Variants in NRG3 observed in about 807,000 individuals in gnomAD.
The protein encoded by NRG3 is pro-neuregulin-3, membrane-bound isoform.
Under a neutral mutation model 66.9 loss-of-function variants are expected in NRG3, and 31 were observed. The observed-to-expected ratio is 0.46, with a 90% CI of 0.35 to 0.63. NRG3 has a LOEUF of 0.63. NRG3 is among the 20% of genes least tolerant of loss of function. The pLI, the probability that NRG3 is intolerant of heterozygous loss-of-function variation, is 0.00. For missense variants in NRG3, 910 were observed against 878.9 expected, an observed-to-expected ratio of 1.04 and a Z score of -0.45; for synonymous variants, 393 against 359.4, an observed-to-expected ratio of 1.09 and a Z score of -1.06.
chr10:82,468,287 G>C (rs1378220121), intron 2 of NRG3, among the ~76,000 whole-genome samples: 1 of 151,980 alleles, frequency 6.6e-6, no homozygotes, highest in Non-Finnish European at 1.5e-5. Flanking sequence ...TGAGAAGGGT[G>C]GGCGCCTATG....
At chr10:82,055,838 G>C (rs138415937) in intron 1 of NRG3, among the ~76,000 whole-genome samples, 493 of 152,276 alleles carry the variant, frequency 3.2e-3, no homozygotes, top group Non-Finnish European at 6.0e-3. Context: ...GGAGATAAAG[G>C]CAGGTTTATC....
intron 3 of NRG3, among the ~76,000 whole-genome samples, chr10:82,814,857 G>C (rs1165947253): frequency 6.6e-6 from 1 of 152,160 alleles, no homozygotes; most frequent in Admixed American, 6.5e-5. Flanking sequence ...CTTTATGTGA[G>C]AGGCCTCCTT....
chr10:82,109,767 G>A (rs113818239), intron 1 of NRG3, among the ~76,000 whole-genome samples: 16 of 151,996 alleles, frequency 1.1e-4, no homozygotes, highest in South Asian at 4.2e-4. Context: ...CTGAATCTTC[G>A]CATTTAATCC....
intron 1 of NRG3, among the ~76,000 whole-genome samples, chr10:82,350,735 T>C (rs914610855): frequency 6.6e-6 from 1 of 152,136 alleles, no homozygotes; most frequent in Admixed American, 6.6e-5. Context: ...GGAAAGAGAC[T>C]AGGAAGTGCA....
At chr10:82,978,387 GA>G (rs915970707) in intron 7 of NRG3, among the ~76,000 whole-genome samples, 1 of 152,158 alleles carries the variant, frequency 6.6e-6, no homozygotes, top group African/African-American at 2.4e-5. Flanking sequence ...AAACTCAGAA[GA>G]AAAATAATTT....
intron 1 of NRG3, among the ~76,000 whole-genome samples, chr10:82,219,234 G>GCAAT (rs1485345271): frequency 0.019 from 2,824 of 146,364 alleles, 115 homozygotes; most frequent in East Asian, 0.13. Flanking sequence ...TTTGGGTGTG[G>GCAAT]GCCGCCCTGG....
intron 1 of NRG3, among the ~76,000 whole-genome samples, chr10:82,149,575 C>CT (rs1324670589): frequency 2.6e-5 from 4 of 152,138 alleles, no homozygotes. Context: ...TTTTTGAAAC[C>CT]TAACCAGACT....
intron 1 of NRG3, among the ~76,000 whole-genome samples, chr10:81,986,523 A>G (rs1044558803): frequency 4.6e-5 from 7 of 152,176 alleles, no homozygotes; most frequent in African/African-American, 1.7e-4. Flanking sequence ...TCCAGTGAAA[A>G]TGACGCCTGT....
chr10:82,751,587 T>C (rs2058864359), intron 3 of NRG3, among the ~76,000 whole-genome samples: 1 of 152,140 alleles, frequency 6.6e-6, no homozygotes. Flanking sequence ...TAACAACCTA[T>C]TCTAGTTCAT....
At chr10:82,795,005 C>T (rs540815030) in intron 3 of NRG3, among the ~76,000 whole-genome samples, 19 of 152,288 alleles carry the variant, frequency 1.2e-4, no homozygotes, top group Non-Finnish European at 2.4e-4. Context: ...AATTTCTTCT[C>T]TATGCTGTCA....
intron 2 of NRG3, among the ~76,000 whole-genome samples, chr10:82,552,347 C>T (rs184000630): frequency 2.2e-4 from 34 of 152,056 alleles, no homozygotes; most frequent in African/African-American, 8.0e-4. Context: ...TTTAACATGG[C>T]AGTATGAACA....
chr10:82,963,715 A>G (rs938817154), intron 6 of NRG3, among the ~76,000 whole-genome samples: 1 of 152,218 alleles, frequency 6.6e-6, no homozygotes, highest in African/African-American at 2.4e-5. Context: ...TTAAAATAGT[A>G]TAAGCTATTG....
At chr10:82,664,626 G>A (rs996588454) in intron 2 of NRG3, among the ~76,000 whole-genome samples, 6 of 152,044 alleles carry the variant, frequency 3.9e-5, no homozygotes, top group Non-Finnish European at 8.8e-5. Context: ...TTAAGTTGAG[G>A]CTTATGGATG....
chr10:82,064,747 C>G (rs760169491), intron 1 of NRG3, among the ~76,000 whole-genome samples: 3 of 152,146 alleles, frequency 2.0e-5, no homozygotes, highest in Non-Finnish European at 4.4e-5. Flanking sequence ...CCCACAGCCT[C>G]CACCTGGAGT....
intron 1 of NRG3, among the ~76,000 whole-genome samples, chr10:81,948,302 T>A (rs1849031654): frequency 6.6e-6 from 1 of 152,198 alleles, no homozygotes; most frequent in Non-Finnish European, 1.5e-5. Context: ...ATTATCAACA[T>A]TCCTCACCAG....
chr10:82,918,951 T>C (rs1376419215), intron 4 of NRG3, among the ~76,000 whole-genome samples: 1 of 152,152 alleles, frequency 6.6e-6, no homozygotes, highest in East Asian at 1.9e-4. Context: ...CTAGTAATCC[T>C]ACCTGTTCTA....
intron 1 of NRG3, among the ~76,000 whole-genome samples, chr10:82,149,890 G>T (rs7898579): frequency 0.12 from 17,917 of 152,036 alleles, 1,775 homozygotes; most frequent in African/African-American, 0.26. Context: ...TTCTTGGGGT[G>T]GATCTAGACT....
At chr10:82,682,861 C>A (rs2054207935) in intron 2 of NRG3, among the ~76,000 whole-genome samples, 1 of 151,044 alleles carries the variant, frequency 6.6e-6, no homozygotes, top group Admixed American at 6.6e-5. Context: ...AAACTCTTTG[C>A]AAATTATGCT....
chr10:82,322,511 A>G (rs973567487), intron 1 of NRG3, among the ~76,000 whole-genome samples: 8 of 152,160 alleles, frequency 5.3e-5, no homozygotes, highest in African/African-American at 9.7e-5. Context: ...AGTAGATTTT[A>G]TTAAAAGGAT....
Sources: allele counts gnomAD v4.1 joint callset (sites outside exome capture counted in the v4.1 genomes callset), GRCh38; gene constraint gnomAD v4.1.1; transcripts MANE v1.5; gene names NCBI Gene and HGNC (gene_info 2026-07-23, HGNC 2026-07-21).